The following ZC3H12B variants were observed in gnomAD, a reference collection of about 807,000 sequenced individuals.
ZC3H12B encodes probable ribonuclease ZC3H12B.
In ZC3H12B, 7 loss-of-function variants were observed where a neutral mutation model predicts 43.9. The ratio of observed to expected loss-of-function variants is 0.16; its 90% CI spans 0.09 to 0.30. The LOEUF (loss-of-function observed/expected upper bound fraction) is 0.30. ZC3H12B is among the 10% of genes least tolerant of loss of function. ZC3H12B has a pLI of 1.00. For synonymous variants in ZC3H12B, 222 were observed against 241.7 expected, an observed-to-expected ratio of 0.92 and a Z score of 0.76; for missense variants, 475 against 670.2, an observed-to-expected ratio of 0.71 and a Z score of 3.22.
At chrX:65,071,775 G>A in the ZC3H12B span, among the ~76,000 whole-genome samples, 2 of 111,674 alleles carry the variant, frequency 1.8e-5, no homozygotes, top group East Asian at 5.6e-4. Flanking sequence ...GTGGAATATT[G>A]GCTCCCAATT....
chrX:65,379,505 G>GA (rs1267221163), intron 2 of ZC3H12B, among the ~76,000 whole-genome samples: 2 of 111,903 alleles, frequency 1.8e-5, no homozygotes, highest in East Asian at 2.8e-4. Context: ...CAAAGATAGG[G>GA]AAAAAACAGA....
chrX:65,353,016 TTGTG>T, the ZC3H12B span, among the ~76,000 whole-genome samples: 10 of 105,089 alleles, frequency 9.5e-5, no homozygotes, highest in Non-Finnish European at 5.9e-5. Context: ...CCCAGCTAAT[TTGTG>T]TGTGTGTGTG....
chrX:65,143,979 T>C, the ZC3H12B span, among the ~76,000 whole-genome samples: 4 of 111,419 alleles, frequency 3.6e-5, no homozygotes, highest in Non-Finnish European at 7.5e-5. Context: ...TTGGGTTATG[T>C]CCTTTTCTGG....
At chrX:65,207,511 A>T in the ZC3H12B span, among the ~76,000 whole-genome samples, 3 of 110,412 alleles carry the variant, frequency 2.7e-5, no homozygotes, top group African/African-American at 9.9e-5. Context: ...GTGAGGGATA[A>T]AAGACTATAC....
At chrX:65,362,930 A>G (rs2066123884), upstream of ZC3H12B, among the ~76,000 whole-genome samples, 1 of 108,945 alleles carries the variant, frequency 9.2e-6, no homozygotes, top group Admixed American at 9.8e-5. Context: ...TCCCTTCACA[A>G]CCCCTCCATA....
At chrX:65,211,270 G>T in the ZC3H12B span, among the ~76,000 whole-genome samples, 1 of 108,825 alleles carries the variant, frequency 9.2e-6, no homozygotes, top group Non-Finnish European at 1.9e-5. Context: ...TGTTCACTCA[G>T]ATGATAGTTT....
chrX:65,069,645 G>A, the ZC3H12B span, among the ~76,000 whole-genome samples: 2 of 111,801 alleles, frequency 1.8e-5, no homozygotes, highest in Non-Finnish European at 3.8e-5. Flanking sequence ...TTTATTGAGA[G>A]TTTTTAACAT....
At chrX:65,168,610 G>A in the ZC3H12B span, among the ~76,000 whole-genome samples, 6 of 111,300 alleles carry the variant, frequency 5.4e-5, no homozygotes, top group African/African-American at 2.0e-4. Context: ...GTTTCAGAAG[G>A]AATGGTACCA....
the ZC3H12B span, chrX:65,331,029 T>C: frequency 5.9e-6 from 2 of 336,800 alleles, no homozygotes; most frequent in Non-Finnish European, 1.2e-5. Context: ...TTTCTGCATA[T>C]TGGTGTCCAC....
chrX:65,360,540 C>T, the ZC3H12B span, among the ~76,000 whole-genome samples: 1 of 111,594 alleles, frequency 9.0e-6, no homozygotes, highest in African/African-American at 3.2e-5. Context: ...AAAAATGGAC[C>T]ATATAAAACA....
the ZC3H12B span, among the ~76,000 whole-genome samples, chrX:65,308,415 A>T: frequency 9.0e-6 from 1 of 111,587 alleles, no homozygotes. Flanking sequence ...TGGTAAAGGG[A>T]TCAATTAAAC....
intron 3 of ZC3H12B, among the ~76,000 whole-genome samples, chrX:65,426,882 C>T (rs1402271065): frequency 9.0e-6 from 1 of 111,597 alleles, no homozygotes; most frequent in Non-Finnish European, 1.9e-5. Context: ...GTTTTACTTC[C>T]AATTATGTGA....
chrX:65,147,299 C>T, the ZC3H12B span, among the ~76,000 whole-genome samples: 2 of 111,743 alleles, frequency 1.8e-5, no homozygotes, highest in Non-Finnish European at 3.8e-5. Context: ...CTCAGGAAGG[C>T]TGATCTGGTA....
the ZC3H12B span, among the ~76,000 whole-genome samples, chrX:65,121,389 G>A: frequency 1.8e-5 from 2 of 111,663 alleles, no homozygotes; most frequent in African/African-American, 6.5e-5. Flanking sequence ...GAGGGTGCAT[G>A]TGTCAAGGAA....
intron 2 of ZC3H12B, among the ~76,000 whole-genome samples, chrX:65,395,192 C>G (rs192391287): frequency 9.0e-6 from 1 of 111,413 alleles, no homozygotes; most frequent in Non-Finnish European, 1.9e-5. Context: ...ATTTGAATAC[C>G]CTTTATTTCT....
chrX:65,058,452 G>GCAAACTTT, the ZC3H12B span, among the ~76,000 whole-genome samples: 1 of 111,960 alleles, frequency 8.9e-6, no homozygotes, highest in Admixed American at 9.5e-5. Context: ...GTCTCAGAGG[G>GCAAACTTT]GTAACCAGCC....
intron 3 of ZC3H12B, among the ~76,000 whole-genome samples, chrX:65,436,900 C>A (rs1418869010): frequency 1.8e-5 from 2 of 110,909 alleles, no homozygotes; most frequent in African/African-American, 6.6e-5. Flanking sequence ...TGGCTTTAGT[C>A]ATCCTGTTGT....
the ZC3H12B span, among the ~76,000 whole-genome samples, chrX:65,040,251 G>A: frequency 1.4e-4 from 15 of 111,106 alleles, no homozygotes; most frequent in Admixed American, 3.8e-4. Context: ...CCTTTTCAGG[G>A]CTGGGTATAT....
the ZC3H12B span, among the ~76,000 whole-genome samples, chrX:65,066,355 T>C: frequency 9.0e-6 from 1 of 111,680 alleles, no homozygotes; most frequent in Non-Finnish European, 1.9e-5. Flanking sequence ...GATGTTGATG[T>C]TATTCCTTTC....
Sources: gnomAD v4.1 joint callset for allele counts (sites outside exome capture counted in the v4.1 genomes callset) on GRCh38, gnomAD v4.1.1 for gene constraint, MANE v1.5 for transcripts, NCBI Gene and HGNC (gene_info 2026-07-23, HGNC 2026-07-21) for gene names.